The following EBF3 variants were observed in gnomAD, a reference collection of about 807,000 sequenced individuals.
EBF3 encodes transcription factor COE3.
Under a neutral mutation model 77.1 loss-of-function variants are expected in EBF3, and 18 were observed. That is an observed-to-expected ratio of 0.23 (90% confidence interval 0.16 to 0.35). The LOEUF is 0.35. Among genes scored for constraint, EBF3 ranks in the 10% least tolerant of loss-of-function variants. EBF3 has a pLI of 1.00. For synonymous variants in EBF3, 350 were observed against 343.5 expected, an observed-to-expected ratio of 1.02 and a Z score of -0.21; for missense variants, 558 against 860.0, an observed-to-expected ratio of 0.65 and a Z score of 4.39.
intron 6 of EBF3, among the ~76,000 whole-genome samples, chr10:129,925,315 G>C (rs1304587482): frequency 6.6e-6 from 1 of 151,980 alleles, no homozygotes; most frequent in Non-Finnish European, 1.5e-5. Context: ...ATTTGGGCAA[G>C]TGGAGCTGGC....
intron 6 of EBF3, among the ~76,000 whole-genome samples, chr10:129,920,982 C>A (rs992980177): frequency 1.3e-5 from 2 of 152,052 alleles, no homozygotes; most frequent in African/African-American, 4.8e-5. Flanking sequence ...CCTGAGGTGC[C>A]CTCGGTGGTC....
chr10:129,867,293 C>T (rs202057769), intron 9 of EBF3, 26 bp from the exon 10 acceptor site: 19 of 1,612,568 alleles, frequency 1.2e-5, no homozygotes, highest in Admixed American at 5.0e-5. Context: ...GGTGAACAGG[C>T]GCTCAGCGGC....
intron 4 of EBF3, among the ~76,000 whole-genome samples, chr10:129,959,651 A>T (rs1244007814): frequency 6.6e-6 from 1 of 151,752 alleles, no homozygotes; most frequent in Non-Finnish European, 1.5e-5. Context: ...GCCGCCCTGG[A>T]CCGGCCGCCG....
In EBF3 at chr10:129,944,378, A is replaced by G. The variant is rs1346431885; in HGVS notation, c.554+12880T>C. 6.6e-6 allele frequency among the ~76,000 whole-genome samples: 1 copy of G among 152,194 alleles called. No homozygotes were observed. The highest frequency in any genetic ancestry group is 1.5e-5 in the Non-Finnish European group (1 of 68,034). On this transcript the variant is annotated intron_variant, in intron 6 of 16. Coordinates refer to ENST00000440978, the MANE Select transcript of EBF3 (RefSeq NM_001375380.1). This position sits in a 1 kb window ranked among gnomAD's most constrained non-coding sequence, Gnocchi z 5.1. ...CAATGCCAATCAATTCTGAGCCTTGATGTTAAATAGGGATCAATACCGCTG... is the reference window on the plus strand; with the variant it reads ...CAATGCCAATCAATTCTGAGCCTTGGTGTTAAATAGGGATCAATACCGCTG...
chr10:129,933,323 G>C (rs1205681998), intron 6 of EBF3, among the ~76,000 whole-genome samples: 1 of 152,218 alleles, frequency 6.6e-6, no homozygotes, highest in African/African-American at 2.4e-5. Flanking sequence ...GCCTGGCAAG[G>C]GGTAAGGGGA....
intron 9 of EBF3, 67 bp from the exon 10 acceptor site, chr10:129,867,334 T>C (rs1172959912): frequency 2.5e-6 from 4 of 1,593,702 alleles, no homozygotes; most frequent in African/African-American, 1.4e-5. Flanking sequence ...ACTTGCCAGT[T>C]GGATATAATT....
At chr10:129,940,980 C>T (rs1469322368) in intron 6 of EBF3, among the ~76,000 whole-genome samples, 1 of 152,226 alleles carries the variant, frequency 6.6e-6, no homozygotes, top group Non-Finnish European at 1.5e-5. Flanking sequence ...CCCATGTCTA[C>T]AATGGGACCC....
chr10:129,902,203 C>A (rs1016038519), intron 6 of EBF3, among the ~76,000 whole-genome samples: 9 of 150,462 alleles, frequency 6.0e-5, no homozygotes, highest in Non-Finnish European at 1.2e-4. Context: ...AACTAGTTAG[C>A]TGGGGAAACA....
At chr10:129,875,640 A>G (rs1192057797) in intron 7 of EBF3, among the ~76,000 whole-genome samples, 1 of 152,258 alleles carries the variant, frequency 6.6e-6, no homozygotes, top group East Asian at 1.9e-4. Flanking sequence ...TGAGGTCGCA[A>G]CAGTGTCAAG....
chr10:129,930,752 A>G (rs1856964919), intron 6 of EBF3, among the ~76,000 whole-genome samples: 1 of 147,086 alleles, frequency 6.8e-6, no homozygotes. Flanking sequence ...CTATATTAAC[A>G]AATCCCCCTC....
rs139626358 is a variant in EBF3, at chr10:129,903,029, G to A, written c.555-25180C>T. 2.8e-4 allele frequency among the ~76,000 whole-genome samples: 42 copies of A among 152,330 alleles called. No homozygotes were observed. In the East Asian group the frequency reaches 4.1e-3, roughly 15 times the overall value. On this transcript the variant is annotated intron_variant, in intron 6 of 16. Transcript: ENST00000440978. ...GCCTTCCAGGATTTGGAATGAAAAC[G>A]CCTACAAGACACAGAAGCAACACAA...
chr10:129,903,628 T>A (rs1175533373), intron 6 of EBF3, among the ~76,000 whole-genome samples: 1 of 152,192 alleles, frequency 6.6e-6, no homozygotes, highest in African/African-American at 2.4e-5. Flanking sequence ...TTCCTAATGG[T>A]CCTTCTCGTG....
intron 6 of EBF3, among the ~76,000 whole-genome samples, chr10:129,902,448 A>C (rs1321089546): frequency 1.3e-5 from 2 of 151,970 alleles, no homozygotes; most frequent in Non-Finnish European, 2.9e-5. Flanking sequence ...GGGGTTCAGA[A>C]GCATGGCACG....
intron 6 of EBF3, among the ~76,000 whole-genome samples, chr10:129,909,502 C>T (rs1011463127): frequency 1.3e-5 from 2 of 152,220 alleles, no homozygotes; most frequent in African/African-American, 4.8e-5. Context: ...GTCACCCTGG[C>T]TCTCAGAGGG....
At chr10:129,915,470 A>G (rs920289068) in intron 6 of EBF3, among the ~76,000 whole-genome samples, 4 of 111,918 alleles carry the variant, frequency 3.6e-5, no homozygotes, top group African/African-American at 1.5e-4. Flanking sequence ...ATGCACACAC[A>G]CACACACACA....
chr10:129,866,013 G>A (rs1472659406), intron 10 of EBF3, among the ~76,000 whole-genome samples: 1 of 152,230 alleles, frequency 6.6e-6, no homozygotes, highest in Middle Eastern at 3.2e-3. Flanking sequence ...CTTGCTCACT[G>A]TCACTCGGTT....
At chr10:129,865,391 G>A (rs1391532445) in intron 10 of EBF3, among the ~76,000 whole-genome samples, 4 of 152,140 alleles carry the variant, frequency 2.6e-5, no homozygotes, top group Non-Finnish European at 4.4e-5. Flanking sequence ...AAACCTAGAG[G>A]AGCAGCCCTC....
rs1564931007 is a variant in EBF3, at chr10:129,963,055, GGCCACCAC to G, written c.292-58_292-51del. On this transcript the variant is annotated intron_variant, in intron 2 of 16. Coordinates refer to ENST00000440978, the MANE Select transcript of EBF3 (RefSeq NM_001375380.1). The surrounding 1 kb of genome is among the most constrained non-coding windows in gnomAD (Gnocchi z 7.1). ...ATTTAGTGCGATCGGTGTCAGGCGC[GGCCACCAC>G]GCTCGGTCCCCCTCCGCGACCGAGG... The G allele has an allele frequency of 6.2e-7, 1 of 1,608,852 alleles. No homozygotes were observed.
At position 129,841,388 on chromosome 10, in the gene EBF3, T is replaced by C. The variant is rs1283523146; in HGVS notation, c.1373-356A>G. On this transcript the variant is annotated intron_variant, in intron 13 of 16. Transcript: ENST00000440978. The surrounding 1 kb of genome is among the most constrained non-coding windows in gnomAD (Gnocchi z 4.6). ...GGCCTCTGTAGACCTTCAAATGCCA[T>C]GACTGACAAGGAGAGCTTGTTTGTG... Among the ~76,000 whole-genome samples, 1 of 152,168 alleles carries C rather than the reference T, an allele frequency of 6.6e-6. No individual in the cohort carries two copies.
Sources: gnomAD v4.1 joint callset for allele counts (sites outside exome capture counted in the v4.1 genomes callset) on GRCh38, gnomAD v4.1.1 for gene constraint, Gnocchi (gnomAD v3.1) non-coding constraint, MANE v1.5 for transcripts, NCBI Gene and HGNC (gene_info 2026-07-23, HGNC 2026-07-21) for gene names.